The following ZNF493 variants were observed in gnomAD, a reference collection of about 807,000 sequenced individuals.
ZNF493 encodes zinc finger protein 493.
A neutral mutation model predicts 12.2 loss-of-function variants in ZNF493; 11 were observed. The observed-to-expected ratio is 0.90, with a 90% CI of 0.57 to 1.50. ZNF493 has a LOEUF of 1.50. Ranked by LOEUF, ZNF493 falls within the 40% of genes most tolerant of loss-of-function variation. The pLI is 0.00. For missense variants in ZNF493, 950 were observed against 906.6 expected (o/e 1.05, Z -0.61); for synonymous variants, 286 against 302.6 (o/e 0.95, Z 0.57).
At position 21,423,136 on chromosome 19, in the gene ZNF493, T is replaced by C; in HGVS notation, c.477T>C (p.Tyr159=). ...TQSKIFQCDK[Y]VKVFHKLLNS... ...GCAAAATATTTCAATGTGATAAATA[T>C]GTGAAAGTCTTTCATAAACTTTTAA... Residue 159 remains tyrosine, a synonymous_variant, in exon 4 of 4, where the codon TAT becomes TAC. Coordinates refer to ENST00000392288, the MANE Select transcript of ZNF493 (RefSeq NM_001076678.3). The C allele has an allele frequency of 2.5e-6, 4 of 1,613,644 alleles. No homozygotes were observed. The highest frequency in any genetic ancestry group is 3.4e-6 in the Non-Finnish European group (4 of 1,179,776).
chr19:21,422,833 T>C, intron 3 of ZNF493, 80 bp from the exon 4 acceptor site: 2 of 1,285,164 alleles, frequency 1.6e-6, no homozygotes, highest in Non-Finnish European at 2.1e-6. Context: ...GCAGTTTGTA[T>C]AATATTATAG....
intron 3 of ZNF493, among the ~76,000 whole-genome samples, chr19:21,416,889 G>T (rs2030511329): frequency 6.6e-6 from 1 of 152,126 alleles, no homozygotes; most frequent in Admixed American, 6.5e-5. Context: ...AACTCCTATT[G>T]TCCCTGCTGG....
chr19:21,401,562 G>A (rs10405716), intron 1 of ZNF493, among the ~76,000 whole-genome samples: 88,133 of 151,856 alleles, frequency 0.58, 25,940 homozygotes, highest in Middle Eastern at 0.68. Context: ...GTAGAATTCA[G>A]CTGTAAATTT....
At chr19:21,408,888 T>A in intron 3 of ZNF493, 2 of 915,014 alleles carry the variant, frequency 2.2e-6, no homozygotes, top group African/African-American at 1.9e-5. Context: ...TTTCTTTTTT[T>A]TTTTTTTTTT....
chr19:21,419,959 C>G (rs562281981), intron 3 of ZNF493, among the ~76,000 whole-genome samples: 42 of 152,214 alleles, frequency 2.8e-4, no homozygotes, highest in African/African-American at 9.9e-4. Flanking sequence ...TTGACCATAC[C>G]CACTAAAAAT....
chr19:21,416,608 C>G (rs948592711), intron 3 of ZNF493, among the ~76,000 whole-genome samples: 3 of 152,284 alleles, frequency 2.0e-5, no homozygotes, highest in African/African-American at 7.2e-5. Flanking sequence ...AGTTATGTCA[C>G]AGGTAGGACG....
intron 3 of ZNF493, chr19:21,407,621 A>G (rs963489033): frequency 5.1e-6 from 5 of 979,804 alleles, no homozygotes; most frequent in Admixed American, 1.2e-4. Flanking sequence ...ATTGTATCCA[A>G]TAGCTTGTTT....
chr19:21,398,007 G>C (rs925351389), intron 1 of ZNF493: 1 of 152,070 alleles, frequency 6.6e-6, no homozygotes, highest in Admixed American at 6.6e-5. Flanking sequence ...TCAGGGACTA[G>C]AAATACCTCA....
At chr19:21,407,517 C>T (rs2030171670) in intron 3 of ZNF493, 3 of 399,366 alleles carry the variant, frequency 7.5e-6, no homozygotes, top group Admixed American at 6.4e-5. Context: ...TCTCTATCTC[C>T]TGACCTCGTG....
rs569403470 is a variant in ZNF493 at position 21,412,962 on chromosome 19, A to T, written c.253+7106A>T. The T allele has an allele frequency of 2.9e-5, 12 of 411,844 alleles. No homozygotes were observed. The Admixed American group carries it at 3.8e-4, about 13-fold the overall frequency. The allele number at this position is 411,844 out of a possible 1,614,324, so 25.5% of individuals were successfully genotyped here. ...CCACTATACTGCCATGGTTCCAGAT[A>T]ATAGAACTCTTGCCATACTTCTTAT... On this transcript the variant is annotated intron_variant, in intron 3 of 3. Coordinates refer to ENST00000392288, the MANE Select transcript of ZNF493 (RefSeq NM_001076678.3).
At chr19:21,401,330 A>G (rs2029936693) in intron 1 of ZNF493, among the ~76,000 whole-genome samples, 1 of 151,938 alleles carries the variant, frequency 6.6e-6, no homozygotes, top group Non-Finnish European at 1.5e-5. Flanking sequence ...TAGCTTTTTG[A>G]TGTTCTCCTG....
rs386388731 is a variant in ZNF493, at chr19:21,405,907, T to TAAAAAAA, written c.253+67_253+73dup. ...GACATAGATGAAAGGTTGAAAGATTTAAAAAAAAAAAAAAAAAAAAAAGCC... is the reference window on the plus strand; with the variant it reads ...GACATAGATGAAAGGTTGAAAGATTTAAAAAAAAAAAAAAAAAAAAAAAAAAAAAGCC... On this transcript the variant is annotated intron_variant, in intron 3 of 3. Coordinates refer to ENST00000392288, the MANE Select transcript of ZNF493 (RefSeq NM_001076678.3). The TAAAAAAA allele has an allele frequency of 8.3e-5, 15 of 180,436 alleles. 1 individual carries two copies. Among genetic ancestry groups the TAAAAAAA allele is most frequent in the South Asian group, 2.4e-4 (3 of 12,608 alleles). The allele number at this position is 180,436 out of a possible 1,614,324, so 11.2% of individuals were successfully genotyped here. A position where few individuals can be genotyped will look rare whatever the true frequency, so the allele number is the denominator to read the frequency against.
At chr19:21,422,597 G>T (rs917095431) in intron 3 of ZNF493, among the ~76,000 whole-genome samples, 1 of 151,688 alleles carries the variant, frequency 6.6e-6, no homozygotes, top group South Asian at 2.1e-4. Flanking sequence ...ACTTGGCTGG[G>T]AATTTACTTC....
At chr19:21,422,423 CTTTA>C (rs56412249) in intron 3 of ZNF493, among the ~76,000 whole-genome samples, 4,284 of 129,454 alleles carry the variant, frequency 0.033, 103 homozygotes, top group African/African-American at 0.076. Flanking sequence ...CAAGTTACTT[CTTTA>C]TTTATTTATT....
chr19:21,424,082 A>G lies in ZNF493; in HGVS notation c.1423A>G (p.Thr475Ala), dbSNP rs1473450151. Residue 475 changes from threonine to alanine, a missense_variant, in exon 4 of 4, where the codon ACC (threonine) becomes GCC (alanine). Coordinates refer to ENST00000392288, the MANE Select transcript of ZNF493 (RefSeq NM_001076678.3). The stretch of plus-strand genomic sequence containing the variant: ...TGGCAAAGCTTTTAAACGATCTTCA[A>G]CCCTTACTAAACATAGGATAATTCA... ...ECGKAFKRSS[T>A]LTKHRIIHTE... 2 of 1,611,932 alleles carry G rather than the reference A, an allele frequency of 1.2e-6. No homozygotes were observed. Among genetic ancestry groups the G allele is most frequent in the Non-Finnish European group, 1.7e-6 (2 of 1,179,004 alleles).
At position 21,424,147 on chromosome 19, in the gene ZNF493, A is replaced by G. The variant is rs775929142; in HGVS notation, c.1488A>G (p.Lys496=). The change falls in exon 4 of 4, where the codon AAA becomes AAG. Residue 496 remains lysine, a synonymous_variant. Coordinates refer to ENST00000392288, the MANE Select transcript of ZNF493 (RefSeq NM_001076678.3). ...CCTACAAATGTGAAGAATGTGGCAAAGCTTTTAACCAATCTTCAACCCTTA... is the reference window on the plus strand; with the variant it reads ...CCTACAAATGTGAAGAATGTGGCAAGGCTTTTAACCAATCTTCAACCCTTA... ...EKPYKCEECG[K]AFNQSSTLSI... is the part of the protein sequence containing the mutation. 6.2e-7 allele frequency: 1 copy of G among 1,613,696 alleles called. No homozygotes were observed. The highest frequency in any genetic ancestry group is 2.2e-5 in the East Asian group (1 of 44,830).
At chr19:21,412,621 A>G (rs973287116) in intron 3 of ZNF493, 2 of 180,912 alleles carry the variant, frequency 1.1e-5, no homozygotes, top group South Asian at 9.5e-5. Context: ...TCTGCAGACT[A>G]TCAGCACAGA....
At chr19:21,403,166 T>G (rs1013264134) in intron 1 of ZNF493, among the ~76,000 whole-genome samples, 1 of 152,190 alleles carries the variant, frequency 6.6e-6, no homozygotes, top group African/African-American at 2.4e-5. Context: ...TCTCCACAGG[T>G]TCTGTGTATT....
At chr19:21,402,034 C>T (rs2029963315) in intron 1 of ZNF493, among the ~76,000 whole-genome samples, 1 of 152,088 alleles carries the variant, frequency 6.6e-6, no homozygotes, top group African/African-American at 2.4e-5. Flanking sequence ...GTGGCACGAT[C>T]TCGGCTCACT....
Sources: allele counts gnomAD v4.1 joint callset (sites outside exome capture counted in the v4.1 genomes callset), GRCh38; gene constraint gnomAD v4.1.1; transcripts MANE v1.5; gene names NCBI Gene and HGNC (gene_info 2026-07-23, HGNC 2026-07-21).